The following ADCY1 variants were observed in gnomAD, a reference collection of about 807,000 sequenced individuals.
The protein encoded by ADCY1 is adenylate cyclase type 1.
A neutral mutation model predicts 105.4 loss-of-function variants in ADCY1; 28 were observed. The ratio of observed to expected loss-of-function variants is 0.27; its 90% confidence interval spans 0.20 to 0.36. ADCY1 has a LOEUF of 0.36. Among genes scored for constraint, ADCY1 ranks in the 10% least tolerant of loss-of-function variants. The probability of loss-of-function intolerance (pLI) is 1.00; values close to 1 mark genes in which losing one functional copy is unlikely to be tolerated. For missense variants in ADCY1, 977 were observed against 1,434.2 expected (o/e 0.68, Z 5.15); for synonymous variants, 655 against 623.8 (o/e 1.05, Z -0.75).
chr7:45,656,802 A>G (rs748390585), intron 5 of ADCY1, among the ~76,000 whole-genome samples: 29 of 152,292 alleles, frequency 1.9e-4, no homozygotes, highest in African/African-American at 6.5e-4. Context: ...TGCTGTCACC[A>G]CCTGATGGCC....
rs181124618 is a variant in ADCY1 at position 45,713,233 on chromosome 7, A to T, written c.3058-460A>T. On this transcript the variant is annotated intron_variant, in intron 19 of 19. Coordinates refer to ENST00000297323, the MANE Select transcript of ADCY1 (RefSeq NM_021116.4). ...CTACCCTACTCTTCTCTGTTCTAGC[A>T]TCTGGAGCTGGGTCCCACACAGCCT... 1.1e-4 allele frequency among the ~76,000 whole-genome samples: 17 copies of T among 152,198 alleles called. No individual in the cohort carries two copies. In the East Asian group the frequency reaches 3.1e-3, roughly 28 times the overall value.
At chr7:45,613,427 T>C (rs932631635) in intron 3 of ADCY1, among the ~76,000 whole-genome samples, 10 of 152,260 alleles carry the variant, frequency 6.6e-5, no homozygotes, top group Non-Finnish European at 1.3e-4. Context: ...TGGAAAAGAC[T>C]GAAGAAAGCT....
At chr7:45,695,585 C>G (rs1394800150) in intron 14 of ADCY1, among the ~76,000 whole-genome samples, 1 of 152,220 alleles carries the variant, frequency 6.6e-6, no homozygotes, top group African/African-American at 2.4e-5. Context: ...TCTCCCTCCA[C>G]AGCAGTCAAG....
rs554305222 is a variant in ADCY1, at chr7:45,691,933, ATATAAAGCCGTGGTCATCATGCTTC to A, written c.2454+5262_2454+5286del. On this transcript the variant is annotated intron_variant, in intron 14 of 19. Coordinates refer to ENST00000297323, the MANE Select transcript of ADCY1 (RefSeq NM_021116.4). ...AGGGGGTTGTGGAGGAGTTTATGTC[ATATAAAGCCGTGGTCATCATGCTTC>A]TTGGACCCTGAAATGTTGTACGCTT... is the stretch of plus-strand genomic sequence containing the variant. 3.4e-3 allele frequency among the ~76,000 whole-genome samples: 513 copies of A among 152,274 alleles called. 1 individual carries two copies. Among genetic ancestry groups the A allele is most frequent in the Non-Finnish European group, 3.7e-3 (250 of 68,016 alleles).
At chr7:45,694,125 A>C (rs1356292807) in intron 14 of ADCY1, among the ~76,000 whole-genome samples, 1 of 150,756 alleles carries the variant, frequency 6.6e-6, no homozygotes, top group African/African-American at 2.4e-5. Context: ...TAAAAAAAAA[A>C]AAAAAAAAAA....
chr7:45,686,279 A>G lies in ADCY1; in HGVS notation c.2327+64A>G. The G allele has an allele frequency of 1.9e-6, 3 of 1,561,862 alleles. No homozygotes were observed. Among genetic ancestry groups the G allele is most frequent in the South Asian group, 1.2e-5 (1 of 81,478 alleles). ...GGTGCTACTGAATCTGTGTATACAGATATGCACTACAGGCTTCTGAGTCCA... is the reference window on the plus strand; with the variant it reads ...GGTGCTACTGAATCTGTGTATACAGGTATGCACTACAGGCTTCTGAGTCCA... On this transcript the variant is annotated intron_variant, in intron 13 of 19. Coordinates refer to ENST00000297323, the MANE Select transcript of ADCY1 (RefSeq NM_021116.4). This position sits in a 1 kb window ranked among gnomAD's most constrained non-coding sequence, Gnocchi z 4.3.
chr7:45,664,286 T>C, intron 8 of ADCY1: 1 of 1,536,136 alleles, frequency 6.5e-7, no homozygotes, highest in South Asian at 1.2e-5. Context: ...GCCTCTCCTG[T>C]AGGTTCAGAT....
At position 45,708,299 on chromosome 7, in the gene ADCY1, C is replaced by A; in HGVS notation, c.2818-51C>A. The A allele has an allele frequency of 7.1e-7, 1 of 1,401,588 alleles. No individual in the cohort carries two copies. Among genetic ancestry groups the A allele is most frequent in the Non-Finnish European group, 1.0e-6 (1 of 990,856 alleles). 86.8% of individuals were successfully genotyped at this position (1,401,588 alleles called of 1,614,324 possible). A position where few individuals can be genotyped will look rare whatever the true frequency, so the allele number is the denominator to read the frequency against. ...GGCACTGCAGGTTGGTCCCTGGCCC[C>A]CTCTTGCCTTGCACTCCCCAGATGT... On this transcript the variant is annotated intron_variant, in intron 17 of 19. Coordinates refer to ENST00000297323, the MANE Select transcript of ADCY1 (RefSeq NM_021116.4). This position sits in a 1 kb window ranked among gnomAD's most constrained non-coding sequence, Gnocchi z 4.7.
chr7:45,617,224 C>T (rs1793762486), intron 3 of ADCY1, among the ~76,000 whole-genome samples: 1 of 152,234 alleles, frequency 6.6e-6, no homozygotes, highest in Non-Finnish European at 1.5e-5. Flanking sequence ...CAGGGGTGGG[C>T]TCCTGCAGCT....
At chr7:45,628,565 G>A (rs1794131837) in intron 4 of ADCY1, among the ~76,000 whole-genome samples, 1 of 152,192 alleles carries the variant, frequency 6.6e-6, no homozygotes, top group Non-Finnish European at 1.5e-5. Flanking sequence ...AGGCACCCCT[G>A]CCCTTCCCCA....
At chr7:45,605,939 G>C (rs1793361466) in intron 2 of ADCY1, among the ~76,000 whole-genome samples, 2 of 152,082 alleles carry the variant, frequency 1.3e-5, no homozygotes, top group Non-Finnish European at 1.5e-5. Flanking sequence ...TATATTATTT[G>C]GACATTTTGT....
chr7:45,648,383 A>G lies in ADCY1; in HGVS notation c.1021-287A>G, dbSNP rs147154225. Among the ~76,000 whole-genome samples the G allele has an allele frequency of 3.3e-3, 499 of 152,362 alleles. 5 individuals carry two copies. The highest frequency in any genetic ancestry group is 0.011 in the African/African-American group (462 of 41,584). On this transcript the variant is annotated intron_variant, in intron 4 of 19. Transcript: ENST00000297323. ...GCCGGACCTTGAATGATCATCCTGT[A>G]GGGTTGGCTCAGTGAAGCAGACAGG... is the stretch of plus-strand genomic sequence containing the variant.
chr7:45,574,327 C>T (rs1792245507), upstream of ADCY1: 1 of 180,184 alleles, frequency 5.5e-6, no homozygotes, highest in Non-Finnish European at 1.0e-5. The surrounding 1 kb of genome is among the most constrained non-coding windows in gnomAD (Gnocchi z 7.0). Flanking sequence ...ACGGTCGGGG[C>T]GCGGGCGGGC....
chr7:45,578,008 A>G (rs1792399661), intron 1 of ADCY1, among the ~76,000 whole-genome samples: 1 of 152,182 alleles, frequency 6.6e-6, no homozygotes, highest in South Asian at 2.1e-4. Flanking sequence ...CTCCAAAGCA[A>G]GGCTCTCAGG....
At chr7:45,664,026 A>G (rs1184593570) in intron 8 of ADCY1, among the ~76,000 whole-genome samples, 2 of 152,032 alleles carry the variant, frequency 1.3e-5, no homozygotes, top group South Asian at 4.2e-4. Flanking sequence ...ACATAGGGGT[A>G]AGGGGATTGT....
chr7:45,675,382 T>C (rs1352944951), intron 8 of ADCY1, among the ~76,000 whole-genome samples: 2 of 152,146 alleles, frequency 1.3e-5, no homozygotes. Context: ...AAATTTATAA[T>C]CTTTGGTTCA....
At chr7:45,711,781 T>A (rs924732915) in intron 19 of ADCY1, among the ~76,000 whole-genome samples, 12 of 138,962 alleles carry the variant, frequency 8.6e-5, no homozygotes, top group African/African-American at 3.2e-4. Flanking sequence ...ATATACAGCA[T>A]GAAGTGTAAA....
intron 19 of ADCY1, among the ~76,000 whole-genome samples, chr7:45,712,434 G>T (rs1785279211): frequency 6.6e-6 from 1 of 151,908 alleles, no homozygotes; most frequent in African/African-American, 2.4e-5. Flanking sequence ...ATCTGGGCCT[G>T]CCACTGTCCT....
At chr7:45,634,267 A>G (rs1383185995) in intron 4 of ADCY1, among the ~76,000 whole-genome samples, 2 of 152,234 alleles carry the variant, frequency 1.3e-5, no homozygotes, top group East Asian at 1.9e-4. Flanking sequence ...CCACCAGTAC[A>G]ATGTTGAATA....
Sources: allele counts gnomAD v4.1 joint callset (sites outside exome capture counted in the v4.1 genomes callset), GRCh38; gene constraint gnomAD v4.1.1; non-coding constraint Gnocchi (gnomAD v3.1); transcripts MANE v1.5; gene names NCBI Gene and HGNC (gene_info 2026-07-23, HGNC 2026-07-21).